The following KCNAB1 variants were observed in gnomAD, a reference collection of about 807,000 sequenced individuals.
KCNAB1 encodes the protein voltage-gated potassium channel subunit beta-1.
In KCNAB1, 35 loss-of-function variants were observed where a neutral mutation model predicts 64.6. The observed-to-expected ratio is 0.54, with a 90% confidence interval of 0.41 to 0.72. The LOEUF (loss-of-function observed/expected upper bound fraction) is 0.72, where lower values mean the gene tolerates loss of function less well. Ranked by LOEUF, KCNAB1 falls within the 30% of genes least tolerant of loss-of-function variation. The pLI is 0.00. For missense variants in KCNAB1, 401 were observed against 512.9 expected (o/e 0.78, Z 2.11); for synonymous variants, 177 against 183.8 (o/e 0.96, Z 0.30).
chr3:156,153,958 C>G (rs561422223), intron 1 of KCNAB1, among the ~76,000 whole-genome samples: 2 of 152,250 alleles, frequency 1.3e-5, no homozygotes, highest in East Asian at 3.9e-4. Flanking sequence ...CCTATCTATC[C>G]ATTTATCTAT....
chr3:156,288,881 G>C (rs912036993), intron 1 of KCNAB1, among the ~76,000 whole-genome samples: 1 of 152,112 alleles, frequency 6.6e-6, no homozygotes, highest in African/African-American at 2.4e-5. Context: ...TTTTTTTAAG[G>C]AATCAAGTTT....
chr3:156,280,248 T>C (rs1419218874), intron 1 of KCNAB1, among the ~76,000 whole-genome samples: 32 of 149,742 alleles, frequency 2.1e-4, no homozygotes, highest in Middle Eastern at 6.9e-3. Flanking sequence ...TGCTTGTTTT[T>C]GTCAGGTTTG....
At chr3:156,459,662 G>C (rs1018749278) in intron 4 of KCNAB1, among the ~76,000 whole-genome samples, 165 bp from the exon 5 acceptor site, 1 of 151,974 alleles carries the variant, frequency 6.6e-6, no homozygotes, top group African/African-American at 2.4e-5. Flanking sequence ...GATTTTGCAG[G>C]CACAAGCAGA....
At position 156,375,067 on chromosome 3, in the gene KCNAB1, G is replaced by A. The variant is rs550863415; in HGVS notation, c.276-46549G>A. ...TGTTTGGTTTGGTTTTATGTTCAGAGTAGGTCAGTTAAGGTAAACGATGAT... is the reference window on the plus strand; with the variant it reads ...TGTTTGGTTTGGTTTTATGTTCAGAATAGGTCAGTTAAGGTAAACGATGAT... On this transcript the variant is annotated intron_variant, in intron 1 of 13. Coordinates refer to ENST00000490337, the MANE Select transcript of KCNAB1 (RefSeq NM_172160.3). Among the ~76,000 whole-genome samples, 6 of 135,984 alleles carry A rather than the reference G, an allele frequency of 4.4e-5. 2 individuals are homozygous for A. Among genetic ancestry groups the A allele is most frequent in the African/African-American group, 1.6e-4 (5 of 30,562 alleles). The allele number at this position is 135,984 out of a possible 152,430, so 89.2% of individuals were successfully genotyped here. A position where few individuals can be genotyped will look rare whatever the true frequency, so the allele number is the denominator to read the frequency against.
chr3:156,217,897 T>C (rs1388116972), intron 1 of KCNAB1: 1 of 152,228 alleles, frequency 6.6e-6, no homozygotes, highest in Non-Finnish European at 1.5e-5. Flanking sequence ...GACTAGCTTG[T>C]AGCTCCCACT....
intron 1 of KCNAB1, among the ~76,000 whole-genome samples, chr3:156,171,370 A>G (rs916588699): frequency 2.0e-5 from 3 of 152,206 alleles, no homozygotes; most frequent in Admixed American, 6.5e-5. Flanking sequence ...CCTAATCCAT[A>G]TGACTACATT....
intron 2 of KCNAB1, chr3:156,446,881 G>C (rs2108269699): frequency 6.6e-6 from 1 of 152,362 alleles, no homozygotes. Flanking sequence ...CCTTTTAAAA[G>C]AAAGTCAGAT....
At chr3:156,361,639 T>TTTTTA (rs1026298618) in intron 1 of KCNAB1, among the ~76,000 whole-genome samples, 1 of 152,126 alleles carries the variant, frequency 6.6e-6, no homozygotes, top group African/African-American at 2.4e-5. Flanking sequence ...TTTTTAGAAT[T>TTTTTA]TTTTATTTTA....
At chr3:156,131,089 A>ATCCT (rs1713968552) in intron 1 of KCNAB1, among the ~76,000 whole-genome samples, 1 of 152,208 alleles carries the variant, frequency 6.6e-6, no homozygotes, top group Admixed American at 6.5e-5. Flanking sequence ...GCTAGACAGC[A>ATCCT]ATAGCTGCCC....
At chr3:156,389,882 ACACC>A (rs1305161983) in intron 1 of KCNAB1, among the ~76,000 whole-genome samples, 22 of 152,222 alleles carry the variant, frequency 1.4e-4, no homozygotes, top group Non-Finnish European at 2.2e-4. Flanking sequence ...GAATATAGCC[ACACC>A]CATTAATTTA....
intron 1 of KCNAB1, among the ~76,000 whole-genome samples, chr3:156,156,885 G>A (rs1715758249): frequency 6.6e-6 from 1 of 152,130 alleles, no homozygotes; most frequent in Non-Finnish European, 1.5e-5. Flanking sequence ...AAAGCCATGA[G>A]ATAAGCAAGT....
At chr3:156,174,935 A>G (rs868199999) in intron 1 of KCNAB1, among the ~76,000 whole-genome samples, 2 of 152,318 alleles carry the variant, frequency 1.3e-5, no homozygotes, top group South Asian at 4.1e-4. Context: ...CAAGTCTACA[A>G]GTGGAATTCT....
intron 1 of KCNAB1, among the ~76,000 whole-genome samples, chr3:156,296,666 G>A (rs1406794154): frequency 3.3e-5 from 5 of 151,828 alleles, no homozygotes; most frequent in Non-Finnish European, 7.4e-5. Flanking sequence ...GTAGAGATGG[G>A]GTTTCACCGT....
chr3:156,167,182 C>T (rs1431769966), intron 1 of KCNAB1, among the ~76,000 whole-genome samples: 1 of 152,212 alleles, frequency 6.6e-6, no homozygotes, highest in African/African-American at 2.4e-5. Flanking sequence ...CTCTTTAGAT[C>T]TCTTCCTCTA....
At chr3:156,520,009 T>C (rs1717833298) in intron 11 of KCNAB1, among the ~76,000 whole-genome samples, 1 of 152,154 alleles carries the variant, frequency 6.6e-6, no homozygotes, top group Non-Finnish European at 1.5e-5. Context: ...AGGAAATCAT[T>C]GACAGGAGTG....
intron 1 of KCNAB1, among the ~76,000 whole-genome samples, chr3:156,166,725 G>GT (rs763741810): frequency 1.3e-5 from 2 of 152,136 alleles, no homozygotes; most frequent in Non-Finnish European, 2.9e-5. Context: ...TGTACAGACT[G>GT]TTTCAGCTAA....
intron 11 of KCNAB1, among the ~76,000 whole-genome samples, chr3:156,521,255 C>G (rs1717921518): frequency 6.6e-6 from 1 of 152,124 alleles, no homozygotes; most frequent in South Asian, 2.1e-4. Flanking sequence ...TAGGGACAGA[C>G]ATATGAAGGG....
chr3:156,270,461 T>G (rs908607960), intron 1 of KCNAB1, among the ~76,000 whole-genome samples: 2 of 152,164 alleles, frequency 1.3e-5, no homozygotes, highest in Non-Finnish European at 2.9e-5. Flanking sequence ...TGTTGTATGT[T>G]TTTAGATTTG....
chr3:156,368,288 T>C (rs902890461), intron 1 of KCNAB1, among the ~76,000 whole-genome samples: 1 of 152,204 alleles, frequency 6.6e-6, no homozygotes, highest in Non-Finnish European at 1.5e-5. Context: ...GCATTCTGAG[T>C]AGGGAGCAGT....
Sources: allele counts gnomAD v4.1 joint callset (sites outside exome capture counted in the v4.1 genomes callset), GRCh38; gene constraint gnomAD v4.1.1; transcripts MANE v1.5; gene names NCBI Gene and HGNC (gene_info 2026-07-23, HGNC 2026-07-21).